The following CERKL variants were observed in gnomAD, a reference collection of about 807,000 sequenced individuals.
CERKL encodes ceramide kinase-like protein.
A neutral mutation model predicts 63.4 loss-of-function variants in CERKL; 61 were observed. That is an observed-to-expected ratio of 0.96 (90% CI 0.78 to 1.19). The LOEUF is 1.19. Among genes scored for constraint, CERKL ranks in the 50% most tolerant of loss-of-function variants. CERKL has a pLI of 0.00. For synonymous variants in CERKL, 250 were observed against 230.5 expected (o/e 1.08, Z -0.77); for missense variants, 675 against 655.5 (o/e 1.03, Z -0.33).
chr2:181,587,683 A>T, intron 2 of CERKL, among the ~76,000 whole-genome samples: 1 of 152,158 alleles, frequency 6.6e-6, no homozygotes, highest in East Asian at 1.9e-4. Flanking sequence ...CCTCATAAAA[A>T]ATCCAATTCA....
In CERKL at chr2:181,537,999, A is replaced by G. The variant is rs767972241; in HGVS notation, c.*185T>C. On this transcript the variant is annotated 3_prime_UTR_variant, in exon 13 of 13. Coordinates refer to ENST00000410087, the MANE Select transcript of CERKL (RefSeq NM_201548.5). ...GGGATCTAGAGTGCCATGTTCCTCA[A>G]GAGAATCTAATGCCTGATGATCTGA... 13 of 680,402 alleles carry G rather than the reference A, an allele frequency of 1.9e-5. No homozygotes were observed. Among genetic ancestry groups the G allele is most frequent in the Middle Eastern group, 3.9e-4 (1 of 2,568 alleles). The allele number at this position is 680,402 out of a possible 1,614,324, so 42.1% of individuals were successfully genotyped here. A position where few individuals can be genotyped will look rare whatever the true frequency, so the allele number is the denominator to read the frequency against.
chr2:181,572,629 A>AT (rs1460775053), intron 3 of CERKL, among the ~76,000 whole-genome samples: 2 of 142,694 alleles, frequency 1.4e-5, no homozygotes, highest in African/African-American at 5.5e-5. Context: ...TCACCTCTAA[A>AT]TAAGCCGAAG....
chr2:181,546,458 C>G (rs570021729), intron 10 of CERKL, among the ~76,000 whole-genome samples: 4 of 152,278 alleles, frequency 2.6e-5, no homozygotes, highest in South Asian at 4.1e-4. Flanking sequence ...GGGAAAACCA[C>G]CAGGCTCAAT....
intron 1 of CERKL, among the ~76,000 whole-genome samples, chr2:181,649,402 C>G (rs1277721252): frequency 2.0e-5 from 3 of 152,268 alleles, no homozygotes; most frequent in East Asian, 3.9e-4. Flanking sequence ...CAGATACATA[C>G]AGCAAATATT....
intron 2 of CERKL, among the ~76,000 whole-genome samples, chr2:181,594,284 C>A (rs577858860): frequency 4.6e-5 from 7 of 152,124 alleles, no homozygotes; most frequent in Non-Finnish European, 1.0e-4. Context: ...CCTTTGTGAG[C>A]CCACAGTTAG....
At chr2:181,589,831 T>C (rs1362968249) in intron 2 of CERKL, among the ~76,000 whole-genome samples, 1 of 152,124 alleles carries the variant, frequency 6.6e-6, no homozygotes, top group East Asian at 1.9e-4. Context: ...TATGTATGTA[T>C]GTATGTATTT....
chr2:181,637,025 TAGG>T (rs1559118020), intron 1 of CERKL, among the ~76,000 whole-genome samples: 3 of 152,154 alleles, frequency 2.0e-5, no homozygotes, highest in South Asian at 2.1e-4. Flanking sequence ...CCCTAAATGT[TAGG>T]AGGACTACAG....
chr2:181,650,823 G>A (rs918799567), intron 1 of CERKL, among the ~76,000 whole-genome samples: 1 of 151,678 alleles, frequency 6.6e-6, no homozygotes, highest in African/African-American at 2.4e-5. Context: ...GTAGAAGTAA[G>A]GAAGTAATTC....
chr2:181,613,333 A>C (rs1401968802), intron 1 of CERKL, among the ~76,000 whole-genome samples: 1 of 152,236 alleles, frequency 6.6e-6, no homozygotes, highest in Non-Finnish European at 1.5e-5. Flanking sequence ...GCAAGACAGC[A>C]TATGTATAAA....
At chr2:181,579,831 A>G (rs1046542799) in intron 2 of CERKL, among the ~76,000 whole-genome samples, 2 of 151,832 alleles carry the variant, frequency 1.3e-5, no homozygotes, top group African/African-American at 4.9e-5. Flanking sequence ...AACATTATTC[A>G]TTGGAAAATC....
intron 1 of CERKL, among the ~76,000 whole-genome samples, chr2:181,618,262 C>T (rs977258177): frequency 5.9e-5 from 3 of 50,760 alleles, no homozygotes; most frequent in African/African-American, 9.0e-5. Context: ...TAAACTTACA[C>T]AATATTTTTT....
At chr2:181,596,030 C>T (rs145536270) in intron 2 of CERKL, among the ~76,000 whole-genome samples, 1 of 152,262 alleles carries the variant, frequency 6.6e-6, no homozygotes, top group East Asian at 1.9e-4. Flanking sequence ...AACAATTCAA[C>T]ATTTTACTGA....
intron 1 of CERKL, among the ~76,000 whole-genome samples, chr2:181,625,351 T>TG (rs1207986108): frequency 2.0e-5 from 3 of 146,732 alleles, no homozygotes; most frequent in East Asian, 4.0e-4. Flanking sequence ...GCTAGAAAGT[T>TG]GGGGGGTGGG....
intron 2 of CERKL, among the ~76,000 whole-genome samples, chr2:181,596,022 C>T (rs1685193694): frequency 6.6e-6 from 1 of 152,062 alleles, no homozygotes; most frequent in Admixed American, 6.5e-5. Context: ...AGCATGAAAA[C>T]AATTCAACAT....
intron 1 of CERKL, among the ~76,000 whole-genome samples, chr2:181,624,916 T>C (rs564386687): frequency 6.6e-6 from 1 of 152,306 alleles, no homozygotes; most frequent in East Asian, 1.9e-4. Context: ...ACCTCTAATA[T>C]TTAAGTAGAA....
chr2:181,632,271 T>G (rs1206471780), intron 1 of CERKL, among the ~76,000 whole-genome samples: 3 of 152,174 alleles, frequency 2.0e-5, no homozygotes, highest in Admixed American at 1.3e-4. Flanking sequence ...ATAGAGGGAT[T>G]AGAGGAACAA....
intron 1 of CERKL, among the ~76,000 whole-genome samples, chr2:181,635,789 G>C: frequency 6.6e-6 from 1 of 152,210 alleles, no homozygotes; most frequent in East Asian, 1.9e-4. Context: ...GAACTTTTAA[G>C]CTTAAAATGG....
intron 1 of CERKL, among the ~76,000 whole-genome samples, chr2:181,650,326 A>G (rs576668409): frequency 7.1e-4 from 108 of 152,254 alleles, no homozygotes; most frequent in Non-Finnish European, 1.1e-3. Flanking sequence ...GAATGAAAAT[A>G]TACCATAACA....
In CERKL at chr2:181,561,008, A is replaced by T. The variant is rs976394821; in HGVS notation, c.678-2300T>A. Among the ~76,000 whole-genome samples, 8 of 152,294 alleles carry T rather than the reference A, an allele frequency of 5.3e-5. No individual in the cohort carries two copies. The East Asian group carries it at 1.5e-3, about 29-fold the overall frequency. ...ATGGATCCTCCCCTTTTGGCCATGA[A>T]GGTCACAAAGAAAATCTGAAAAACT... is the stretch of plus-strand genomic sequence containing the variant. On this transcript the variant is annotated intron_variant, in intron 4 of 12. Coordinates refer to ENST00000410087, the MANE Select transcript of CERKL (RefSeq NM_201548.5).
Sources: gnomAD v4.1 joint callset for allele counts (sites outside exome capture counted in the v4.1 genomes callset) on GRCh38, gnomAD v4.1.1 for gene constraint, MANE v1.5 for transcripts, NCBI Gene and HGNC (gene_info 2026-07-23, HGNC 2026-07-21) for gene names.